KREMEN1: variants seen among roughly 807,000 people sequenced by gnomAD.
The protein encoded by KREMEN1 is kringle containing transmembrane protein 1.
Under a neutral mutation model 46.5 loss-of-function variants are expected in KREMEN1, and 30 were observed. The observed-to-expected ratio is 0.65, with a 90% CI of 0.48 to 0.88. The LOEUF (loss-of-function observed/expected upper bound fraction) is 0.88, where lower values mean the gene tolerates loss of function less well. Among genes scored for constraint, KREMEN1 ranks in the 40% least tolerant of loss-of-function variants. KREMEN1 has a pLI of 0.00. For missense variants in KREMEN1, 533 were observed against 596.9 expected, an observed-to-expected ratio of 0.89 and a Z score of 1.11; for synonymous variants, 214 against 230.6, an observed-to-expected ratio of 0.93 and a Z score of 0.65.
At chr22:29,080,353 T>A (rs934144307) in intron 1 of KREMEN1, among the ~76,000 whole-genome samples, 3 of 152,256 alleles carry the variant, frequency 2.0e-5, no homozygotes, top group Non-Finnish European at 4.4e-5. Flanking sequence ...CAGCTGAGAA[T>A]CACTCAACTT....
intron 5 of KREMEN1, among the ~76,000 whole-genome samples, chr22:29,130,199 C>T (rs895635441): frequency 1.1e-4 from 16 of 152,186 alleles, no homozygotes; most frequent in African/African-American, 3.1e-4. Context: ...AACTGAGGCT[C>T]ATAAAAGTTC....
In KREMEN1 at chr22:29,110,777, G is replaced by A. The variant is rs373059505; in HGVS notation, c.353-10580G>A. Among the ~76,000 whole-genome samples the A allele has an allele frequency of 1.1e-3, 160 of 152,300 alleles. 1 individual carries two copies. Among genetic ancestry groups the A allele is most frequent in the Middle Eastern group, 6.8e-3 (2 of 294 alleles). On this transcript the variant is annotated intron_variant, in intron 3 of 8. Coordinates refer to ENST00000400335, the MANE Select transcript of KREMEN1 (RefSeq NM_001039570.3). ...AGTGTGGGGCCATATCATGAGAAGGGGTTGGACCAAGATGGCAGCTGTCAG... is the reference window on the plus strand; with the variant it reads ...AGTGTGGGGCCATATCATGAGAAGGAGTTGGACCAAGATGGCAGCTGTCAG...
rs1601814724 is a variant in KREMEN1 at position 29,143,928 on chromosome 22, GAGCTCCTCCAA to G, written c.*1817_*1827del. 22 of 985,396 alleles carry G rather than the reference GAGCTCCTCCAA, an allele frequency of 2.2e-5. No individual in the cohort carries two copies. The highest frequency in any genetic ancestry group is 2.7e-5 in the Non-Finnish European group (22 of 829,940). The allele number at this position is 985,396 out of a possible 1,614,324, so 61.0% of individuals were successfully genotyped here. A position where few individuals can be genotyped will look rare whatever the true frequency, so the allele number is the denominator to read the frequency against. ...CAGAAGAGGGTGGGTTTGGGAATTGGAGCTCCTCCAAGGAGCTCCTCCTAAGATTGAGTGCT... is the reference window on the plus strand; with the variant it reads ...CAGAAGAGGGTGGGTTTGGGAATTGGGGAGCTCCTCCTAAGATTGAGTGCT... On this transcript the variant is annotated 3_prime_UTR_variant, in exon 9 of 9. Coordinates refer to ENST00000400335, the MANE Select transcript of KREMEN1 (RefSeq NM_001039570.3).
downstream of KREMEN1, among the ~76,000 whole-genome samples, chr22:29,150,717 G>C (rs2038908291): frequency 6.6e-6 from 1 of 152,252 alleles, no homozygotes; most frequent in Middle Eastern, 3.4e-3. Context: ...GCTTTTCCTG[G>C]GTCTGAGTGA....
At chr22:29,130,743 G>A (rs190438001) in intron 5 of KREMEN1, among the ~76,000 whole-genome samples, 18 of 152,310 alleles carry the variant, frequency 1.2e-4, no homozygotes, top group Admixed American at 9.1e-4. Flanking sequence ...GAAGGAGCAG[G>A]AAGATTGAAG....
intron 1 of KREMEN1, among the ~76,000 whole-genome samples, chr22:29,091,890 A>G (rs1347869417): frequency 6.6e-6 from 1 of 152,214 alleles, no homozygotes; most frequent in Non-Finnish European, 1.5e-5. Flanking sequence ...GGGGAAGAAC[A>G]TTTTGGGCAG....
At position 29,142,919 on chromosome 22, in the gene KREMEN1, G is replaced by T. The variant is rs1450974704; in HGVS notation, c.*807G>T. ...AATCCCAGCACTGTGGGAGGCTGAG[G>T]CGGGCAGATCACCTGAGGTCAGGAG... is the stretch of plus-strand genomic sequence containing the variant. On this transcript the variant is annotated 3_prime_UTR_variant, in exon 9 of 9. Transcript: ENST00000400335. The T allele has an allele frequency of 1.8e-5, 17 of 948,922 alleles. No individual in the cohort carries two copies. The highest frequency in any genetic ancestry group is 2.0e-5 in the Non-Finnish European group (16 of 796,828). The allele number at this position is 948,922 out of a possible 1,614,324, so 58.8% of individuals were successfully genotyped here.
chr22:29,131,740 ATATATATG>A lies in KREMEN1; in HGVS notation c.632-5586_632-5579del, dbSNP rs1339871468. Among the ~76,000 whole-genome samples, 146 of 137,210 alleles carry A rather than the reference ATATATATG, an allele frequency of 1.1e-3. 2 individuals are homozygous for A. The highest frequency in any genetic ancestry group is 3.0e-3 in the African/African-American group (101 of 34,072). The allele number at this position is 137,210 out of a possible 152,430, so 90.0% of individuals were successfully genotyped here. Reference sequence around the variant, plus strand: ...TATGTATATATATGTATATATGTGTATATATATGTATATATGTATATATATATGTATAT... The same window carrying A: ...TATGTATATATATGTATATATGTGTATATATATGTATATATATATGTATAT... On this transcript the variant is annotated intron_variant, in intron 5 of 8. Coordinates refer to ENST00000400335, the MANE Select transcript of KREMEN1 (RefSeq NM_001039570.3).
intron 9 of KREMEN1, among the ~76,000 whole-genome samples, chr22:29,158,897 C>A (rs2038985647): frequency 1.3e-5 from 2 of 151,892 alleles, no homozygotes; most frequent in African/African-American, 4.8e-5. Context: ...CAGCTCGCTG[C>A]AACCTCCGCC....
intron 2 of KREMEN1, among the ~76,000 whole-genome samples, chr22:29,097,195 G>T (rs2037895682): frequency 6.6e-6 from 1 of 152,262 alleles, no homozygotes; most frequent in African/African-American, 2.4e-5. Context: ...GGCCTAACCG[G>T]AGTGTCAGCT....
chr22:29,137,901 T>A (rs984133445), intron 6 of KREMEN1, among the ~76,000 whole-genome samples: 1 of 152,214 alleles, frequency 6.6e-6, no homozygotes, highest in Non-Finnish European at 1.5e-5. Context: ...AATTTGGCTA[T>A]TTTAGTAGGT....
At chr22:29,158,199 T>C (rs1245650660) in intron 9 of KREMEN1, among the ~76,000 whole-genome samples, 3 of 152,078 alleles carry the variant, frequency 2.0e-5, no homozygotes, top group Admixed American at 6.5e-5. Flanking sequence ...GGGGTACCAA[T>C]TTGCAATCTA....
At chr22:29,121,614 C>T (rs1188082712) in intron 4 of KREMEN1, 133 bp downstream of exon 4, 2 of 1,033,616 alleles carry the variant, frequency 1.9e-6, no homozygotes, top group South Asian at 1.6e-5. Context: ...ATTCCACTTA[C>T]ATGAATTGTC....
At chr22:29,141,185 C>G (rs927291411) in intron 8 of KREMEN1, among the ~76,000 whole-genome samples, 1 of 152,096 alleles carries the variant, frequency 6.6e-6, no homozygotes, top group African/African-American at 2.4e-5. Flanking sequence ...ACATAGACAC[C>G]TCCACCCTAC....
intron 3 of KREMEN1, among the ~76,000 whole-genome samples, chr22:29,107,105 A>AGTTCG: frequency 1.3e-5 from 2 of 152,070 alleles, no homozygotes; most frequent in South Asian, 4.2e-4. Context: ...TGCACAAAAC[A>AGTTCG]GTTCGTCAGC....
intron 9 of KREMEN1, among the ~76,000 whole-genome samples, chr22:29,165,401 CA>C (rs796435316): frequency 0.02 from 2,177 of 110,880 alleles, 37 homozygotes; most frequent in African/African-American, 0.059. Context: ...GAGCCTGTCA[CA>C]AAAAAAAAAA....
At chr22:29,131,736 GTGTA>G (rs1569331586) in intron 5 of KREMEN1, among the ~76,000 whole-genome samples, 10 of 134,934 alleles carry the variant, frequency 7.4e-5, no homozygotes, top group African/African-American at 2.7e-4. Context: ...ATGTATATAT[GTGTA>G]TATATATGTA....
At chr22:29,111,413 C>T (rs888543184) in intron 3 of KREMEN1, among the ~76,000 whole-genome samples, 5 of 151,564 alleles carry the variant, frequency 3.3e-5, no homozygotes, top group African/African-American at 1.2e-4. Context: ...GAGATCGAGA[C>T]CATCCTGGCT....
chr22:29,163,810 CT>C (rs1276525769), intron 9 of KREMEN1, among the ~76,000 whole-genome samples: 3 of 152,186 alleles, frequency 2.0e-5, no homozygotes, highest in Non-Finnish European at 4.4e-5. Flanking sequence ...AAAACTAACT[CT>C]TGGGAACTAT....
Sources: gnomAD v4.1 joint callset for allele counts (sites outside exome capture counted in the v4.1 genomes callset) on GRCh38, gnomAD v4.1.1 for gene constraint, MANE v1.5 for transcripts, NCBI Gene and HGNC (gene_info 2026-07-23, HGNC 2026-07-21) for gene names.